The following FGD4 variants were observed in gnomAD, a reference collection of about 807,000 sequenced individuals.
The protein encoded by FGD4 is FYVE, RhoGEF and PH domain containing 4.
A neutral mutation model predicts 102.0 loss-of-function variants in FGD4; 42 were observed. The ratio of observed to expected loss-of-function variants is 0.41; its 90% CI spans 0.32 to 0.53. The LOEUF is 0.53. Ranked by LOEUF, FGD4 falls within the 20% of genes least tolerant of loss-of-function variation. FGD4 has a pLI of 0.21. For missense variants in FGD4, 902 were observed against 1,078.2 expected (o/e 0.84, Z 2.29); for synonymous variants, 380 against 375.7 (o/e 1.01, Z -0.13).
chr12:32,561,069 G>GTTTTTTTTTTTTTTTT (rs1565841408), intron 1 of FGD4, among the ~76,000 whole-genome samples: 3 of 91,998 alleles, frequency 3.3e-5, no homozygotes, highest in Non-Finnish European at 7.0e-5. Flanking sequence ...TTCTTTGTTG[G>GTTTTTTTTTTTTTTTT]GTTTTGTTTT....
At chr12:32,592,082 A>G (rs1175781717) in intron 4 of FGD4, among the ~76,000 whole-genome samples, 1 of 151,710 alleles carries the variant, frequency 6.6e-6, no homozygotes. Context: ...TAATATATTT[A>G]TTTATTTATT....
At position 32,526,219 on chromosome 12, in the gene FGD4, G is replaced by T. The variant is rs917775212; in HGVS notation, c.167-37918G>T. Among the ~76,000 whole-genome samples, 9 of 152,212 alleles carry T rather than the reference G, an allele frequency of 5.9e-5. No homozygotes were observed. In the East Asian group the frequency reaches 1.2e-3, roughly 20 times the overall value. On this transcript the variant is annotated intron_variant, in intron 1 of 16. Transcript: ENST00000534526. ...ATCAGCACCCTGTGTTTAGCTCAAGGTTTGTGAGCGCACCAGTCGACACTC... is the reference window on the plus strand; with the variant it reads ...ATCAGCACCCTGTGTTTAGCTCAAGTTTTGTGAGCGCACCAGTCGACACTC...
At position 32,451,834 on chromosome 12, in the gene FGD4, C is replaced by CAAAAAAAAAAAAA. The variant is rs60760923; in HGVS notation, c.166+51893_166+51905dup. On this transcript the variant is annotated intron_variant, in intron 1 of 16. Coordinates refer to ENST00000534526, the MANE Select transcript of FGD4 (RefSeq NM_001370298.3). ...GGGCAACAAAAGCGAAACTCCATCT[C>CAAAAAAAAAAAAA]AAAAAAAAAAAAAAAAAAAAAAAAA... is the stretch of plus-strand genomic sequence containing the variant. 9.9e-4 allele frequency among the ~76,000 whole-genome samples: 24 copies of CAAAAAAAAAAAAA among 24,156 alleles called. 4 individuals are homozygous for CAAAAAAAAAAAAA. The highest frequency in any genetic ancestry group is 6.8e-3 in the South Asian group (2 of 296). 15.8% of individuals were successfully genotyped at this position (24,156 alleles called of 152,430 possible).
chr12:32,527,697 G>A (rs959089186), intron 1 of FGD4, among the ~76,000 whole-genome samples: 5 of 152,062 alleles, frequency 3.3e-5, no homozygotes, highest in Non-Finnish European at 7.4e-5. Context: ...CAAAGTGCTG[G>A]GATTAACAGG....
intron 1 of FGD4, 32 bp downstream of exon 1, chr12:32,399,991 C>A: frequency 7.0e-7 from 1 of 1,428,866 alleles, no homozygotes. Flanking sequence ...GGAAGGGTGG[C>A]CCCGGCGCGT....
At chr12:32,615,513 T>C (rs1465306501) in intron 10 of FGD4, among the ~76,000 whole-genome samples, 1 of 152,202 alleles carries the variant, frequency 6.6e-6, no homozygotes, top group Non-Finnish European at 1.5e-5. Flanking sequence ...TCATTTGTGC[T>C]AAACACAAGT....
intron 1 of FGD4, among the ~76,000 whole-genome samples, chr12:32,489,188 A>G (rs913581038): frequency 4.0e-5 from 6 of 151,886 alleles, no homozygotes; most frequent in Admixed American, 1.3e-4. Context: ...TGTAGTGCAC[A>G]TAAGTCTTCT....
At chr12:32,438,755 G>A (rs888095689) in intron 1 of FGD4, among the ~76,000 whole-genome samples, 5 of 151,834 alleles carry the variant, frequency 3.3e-5, no homozygotes, top group African/African-American at 9.7e-5. Flanking sequence ...ATAGGAGCCC[G>A]CCACCACGCC....
At chr12:32,518,152 G>A (rs1253356520) in intron 1 of FGD4, among the ~76,000 whole-genome samples, 1 of 152,178 alleles carries the variant, frequency 6.6e-6, no homozygotes, top group Non-Finnish European at 1.5e-5. Flanking sequence ...CTAGGAACAT[G>A]ACTACTGCCT....
intron 1 of FGD4, among the ~76,000 whole-genome samples, chr12:32,420,855 G>C (rs961938602): frequency 6.6e-6 from 1 of 152,026 alleles, no homozygotes; most frequent in African/African-American, 2.4e-5. Context: ...CCCCAAACTA[G>C]TTGGTACATT....
At chr12:32,421,263 T>C (rs1941614862) in intron 1 of FGD4, among the ~76,000 whole-genome samples, 1 of 152,216 alleles carries the variant, frequency 6.6e-6, no homozygotes, top group African/African-American at 2.4e-5. Context: ...TACTCAGCTT[T>C]CCTTGTGTGT....
At chr12:32,422,786 ACTTC>A (rs1287189186) in intron 1 of FGD4, among the ~76,000 whole-genome samples, 2 of 152,132 alleles carry the variant, frequency 1.3e-5, no homozygotes, top group Admixed American at 1.3e-4. Flanking sequence ...ATATCTTGCT[ACTTC>A]CTTAGCCTTC....
chr12:32,424,850 T>C (rs1374839615), intron 1 of FGD4, among the ~76,000 whole-genome samples: 3 of 152,260 alleles, frequency 2.0e-5, no homozygotes, highest in Non-Finnish European at 2.9e-5. Flanking sequence ...CATATGTTTG[T>C]TGCCTGCATA....
chr12:32,604,038 G>A (rs980967787), intron 7 of FGD4, among the ~76,000 whole-genome samples: 2 of 152,112 alleles, frequency 1.3e-5, no homozygotes, highest in African/African-American at 4.8e-5. Context: ...CCTGCTTTCC[G>A]TCCTCTGTGG....
chr12:32,514,272 G>C (rs1374253076), intron 1 of FGD4, among the ~76,000 whole-genome samples: 1 of 152,198 alleles, frequency 6.6e-6, no homozygotes, highest in Non-Finnish European at 1.5e-5. Context: ...TATGAATGTT[G>C]AGGCAAGAAA....
At chr12:32,619,947 G>A in intron 11 of FGD4, 77 bp downstream of exon 11, 1 of 1,545,126 alleles carries the variant, frequency 6.5e-7, no homozygotes, top group Admixed American at 1.7e-5. Flanking sequence ...ATGGCTCTGA[G>A]GGTTTTTCTC....
At chr12:32,451,077 A>G (rs1288939127) in intron 1 of FGD4, among the ~76,000 whole-genome samples, 1 of 152,136 alleles carries the variant, frequency 6.6e-6, no homozygotes, top group African/African-American at 2.4e-5. Context: ...CTTCGCTTAT[A>G]ATTTGGGTGA....
chr12:32,480,712 G>A (rs1290919083), intron 1 of FGD4, among the ~76,000 whole-genome samples: 4 of 151,208 alleles, frequency 2.6e-5, no homozygotes, highest in Admixed American at 6.6e-5. Context: ...TGTTGGCCAG[G>A]ATGCTCTTGC....
At chr12:32,453,762 G>T (rs1942875449) in intron 1 of FGD4, among the ~76,000 whole-genome samples, 2 of 152,016 alleles carry the variant, frequency 1.3e-5, no homozygotes, top group Non-Finnish European at 2.9e-5. Context: ...TCATTCTTTA[G>T]ATTGAGGAGG....
Sources: gnomAD v4.1 joint callset for allele counts (sites outside exome capture counted in the v4.1 genomes callset) on GRCh38, gnomAD v4.1.1 for gene constraint, MANE v1.5 for transcripts, NCBI Gene and HGNC (gene_info 2026-07-23, HGNC 2026-07-21) for gene names.